Variants in NCBP3 observed in about 807,000 individuals in gnomAD.
NCBP3 encodes nuclear cap-binding protein subunit 3.
NCBP3 carries 20 observed loss-of-function variants against 75.7 expected under a neutral mutation model. The observed-to-expected ratio is 0.26, with a 90% CI of 0.19 to 0.38. NCBP3 has a LOEUF of 0.38. NCBP3 is among the 10% of genes least tolerant of loss of function. The pLI, the probability that NCBP3 is intolerant of heterozygous loss-of-function variation, is 1.00. For synonymous variants in NCBP3, 293 were observed against 290.5 expected (o/e 1.01, Z -0.09); for missense variants, 678 against 796.9 (o/e 0.85, Z 1.80).
chr17:3,835,932 C>T (rs1474706310), intron 3 of NCBP3, among the ~76,000 whole-genome samples: 1 of 152,208 alleles, frequency 6.6e-6, no homozygotes, highest in Non-Finnish European at 1.5e-5. Flanking sequence ...GTCTTTGAAC[C>T]TCAGCCTTGC....
intron 9 of NCBP3, 42 bp downstream of exon 9, chr17:3,821,207 G>C (rs1387067462): frequency 8.0e-6 from 11 of 1,370,090 alleles, no homozygotes; most frequent in African/African-American, 1.4e-5. Flanking sequence ...ATGATTTCAG[G>C]AGCCAAACAT....
rs1029504783 is a variant in NCBP3 at position 3,805,504 on chromosome 17, A to G, written c.*7540T>C. The stretch of plus-strand genomic sequence containing the variant: ...AGAGCCATGTGCAGGCACCAAGAAA[A>G]GCCTACGTGAATAAGACAGCAAGAG... On this transcript the variant is annotated 3_prime_UTR_variant, in exon 13 of 13. Coordinates refer to ENST00000389005, the MANE Select transcript of NCBP3 (RefSeq NM_001114118.3). 4 of 152,244 alleles carry G rather than the reference A, an allele frequency of 2.6e-5. No homozygotes were observed. The highest frequency in any genetic ancestry group is 7.2e-5 in the African/African-American group (3 of 41,446). The allele number at this position is 152,244 out of a possible 1,614,324, so 9.4% of individuals were successfully genotyped here.
intron 3 of NCBP3, among the ~76,000 whole-genome samples, chr17:3,838,004 TA>T (rs2054005211): frequency 6.6e-6 from 1 of 152,054 alleles, no homozygotes; most frequent in Non-Finnish European, 1.5e-5. Context: ...TTTTTTAAAT[TA>T]AAAGTTAACC....
intron 10 of NCBP3, among the ~76,000 whole-genome samples, chr17:3,816,652 A>G (rs189928273): frequency 6.6e-6 from 1 of 152,314 alleles, no homozygotes; most frequent in East Asian, 1.9e-4. Context: ...CTCTCTCTTT[A>G]AAGGGCAGAC....
rs556385228 is a variant in NCBP3 at position 3,832,371 on chromosome 17, C to G, written c.356-3003G>C. On this transcript the variant is annotated intron_variant, in intron 3 of 12. Coordinates refer to ENST00000389005, the MANE Select transcript of NCBP3 (RefSeq NM_001114118.3). Reference sequence around the variant, plus strand: ...TTTAATGGGCAGGCGCGGTGGCTCACGCCTGTAATCCCAGCACTTTGGGAG... The same window carrying G: ...TTTAATGGGCAGGCGCGGTGGCTCAGGCCTGTAATCCCAGCACTTTGGGAG... Among the ~76,000 whole-genome samples the G allele has an allele frequency of 1.6e-3, 188 of 120,006 alleles. 57 individuals carry two copies. The highest frequency in any genetic ancestry group is 2.9e-3 in the Non-Finnish European group (144 of 49,870). 78.7% of individuals were successfully genotyped at this position (120,006 alleles called of 152,430 possible).
chr17:3,843,113 G>A lies in NCBP3; in HGVS notation c.222C>T (p.Phe74=). The A allele has an allele frequency of 1.3e-6, 2 of 1,551,636 alleles. No individual in the cohort carries two copies. The highest frequency in any genetic ancestry group is 2.4e-5 in the South Asian group (2 of 84,064). ...SRRYENKAGS[F]ITGIDVTSKE... is the part of the protein sequence containing the mutation. ...TGGAGGTGACATCAATTCCAGTGAT[G>A]AAGCTGCCAGCCTTGTTTTCATATC... The change falls in exon 2 of 13, where the codon TTC becomes TTT. Residue 74 remains phenylalanine (F), a synonymous_variant. Transcript: ENST00000389005.
rs1201085165 is a variant in NCBP3, at chr17:3,826,134, C to A, written c.563G>T (p.Arg188Ile). The A allele has an allele frequency of 1.3e-6, 2 of 1,551,680 alleles. No homozygotes were observed. The highest frequency in any genetic ancestry group is 1.7e-6 in the Non-Finnish European group (2 of 1,146,976). Residue 188 changes from arginine to isoleucine, a missense_variant, in exon 5 of 13, where the codon AGA (arginine) becomes ATA (isoleucine). Transcript: ENST00000389005. Reference sequence around the variant, plus strand: ...CTTGTCCTCACTGGCATCCCTGCTTCTGATCTTATCCTGTGCAGGCAGGGA... The same window carrying A: ...CTTGTCCTCACTGGCATCCCTGCTTATGATCTTATCCTGTGCAGGCAGGGA... ...MSSLPAQDKI[R>I]SRDASEDKSA...
Position 3,826,879 on chromosome 17 carries a change from G to A in NCBP3, c.482-664C>T, listed in dbSNP as rs1793248891. Among the ~76,000 whole-genome samples, 5 of 152,064 alleles carry A rather than the reference G, an allele frequency of 3.3e-5. No individual in the cohort carries two copies. In the South Asian group the frequency reaches 1.0e-3, roughly 32 times the overall value. Reference sequence around the variant, plus strand: ...ATACAAAAAATTAGCCGGGCGTGGTGGCGGGCGCCTGTGGTCCCAGCTACT... The same window carrying A: ...ATACAAAAAATTAGCCGGGCGTGGTAGCGGGCGCCTGTGGTCCCAGCTACT... On this transcript the variant is annotated intron_variant, in intron 4 of 12. Coordinates refer to ENST00000389005, the MANE Select transcript of NCBP3 (RefSeq NM_001114118.3).
At chr17:3,843,182 G>C (rs1363777732) in intron 1 of NCBP3, 31 bp from the exon 2 acceptor site, 1 of 1,529,840 alleles carries the variant, frequency 6.5e-7, no homozygotes, top group Non-Finnish European at 8.9e-7. Context: ...GAGAAATTCA[G>C]ACAGCAATTG....
chr17:3,829,207 C>G, intron 4 of NCBP3, 36 bp downstream of exon 4: 1 of 1,548,392 alleles, frequency 6.5e-7, no homozygotes, highest in Non-Finnish European at 8.7e-7. Flanking sequence ...AAATCATCAA[C>G]AAAAGCATAT....
chr17:3,817,553 T>C (rs982753003), intron 10 of NCBP3, among the ~76,000 whole-genome samples: 1 of 151,800 alleles, frequency 6.6e-6, no homozygotes, highest in East Asian at 1.9e-4. Context: ...GGCGTGAACC[T>C]GGGAGGCGGA....
At position 3,806,545 on chromosome 17, in the gene NCBP3, G is replaced by A. The variant is rs1160160872; in HGVS notation, c.*6499C>T. The A allele has an allele frequency of 6.6e-6, 1 of 152,120 alleles. No individual in the cohort carries two copies. Among genetic ancestry groups the A allele is most frequent in the Non-Finnish European group, 1.5e-5 (1 of 68,020 alleles). 9.4% of individuals were successfully genotyped at this position (152,120 alleles called of 1,614,324 possible). A position where few individuals can be genotyped will look rare whatever the true frequency, so the allele number is the denominator to read the frequency against. On this transcript the variant is annotated 3_prime_UTR_variant, in exon 13 of 13. Transcript: ENST00000389005. ...TCAAATGAACAGTAAGAATCCTGAG[G>A]CAGGGTACTGACCTTGGTAGGTGAA...
chr17:3,831,490 G>A (rs1222079730), intron 3 of NCBP3, among the ~76,000 whole-genome samples: 1 of 146,260 alleles, frequency 6.8e-6, no homozygotes, highest in Non-Finnish European at 1.5e-5. Context: ...GGAGAATGGC[G>A]TGAACCCGGG....
At chr17:3,819,239 T>A (rs967967147) in intron 9 of NCBP3, among the ~76,000 whole-genome samples, 1 of 152,168 alleles carries the variant, frequency 6.6e-6, no homozygotes, top group South Asian at 2.1e-4. Flanking sequence ...GAATCAACAA[T>A]GTGTCTTAAA....
chr17:3,838,490 T>C (rs1436243229), intron 3 of NCBP3, among the ~76,000 whole-genome samples: 1 of 152,218 alleles, frequency 6.6e-6, no homozygotes, highest in African/African-American at 2.4e-5. Context: ...AGCAAGGGCG[T>C]GTTTCTGACT....
chr17:3,826,723 G>GGAAGGAAGGAAGGAAGGA (rs1348605267), intron 4 of NCBP3, among the ~76,000 whole-genome samples: 28 of 146,494 alleles, frequency 1.9e-4, no homozygotes, highest in Middle Eastern at 3.5e-3. Context: ...AAGGAAGGAA[G>GGAAGGAAGGAAGGAAGGA]GAGAGAGAGA....
rs982193651 is a variant in NCBP3 at position 3,807,561 on chromosome 17, A to C, written c.*5483T>G. On this transcript the variant is annotated 3_prime_UTR_variant, in exon 13 of 13. Coordinates refer to ENST00000389005, the MANE Select transcript of NCBP3 (RefSeq NM_001114118.3). The stretch of plus-strand genomic sequence containing the variant: ...ATTTACCAAACACTTTCGAAGCACT[A>C]CTTACTCTGGGCTGGCCTGATGAAA... The C allele has an allele frequency of 6.6e-6, 1 of 152,204 alleles. No homozygotes were observed. Among genetic ancestry groups the C allele is most frequent in the Non-Finnish European group, 1.5e-5 (1 of 68,050 alleles). The allele number at this position is 152,204 out of a possible 1,614,324, so 9.4% of individuals were successfully genotyped here.
At chr17:3,824,102 G>A (rs541777066) in intron 7 of NCBP3, 1 of 152,218 alleles carries the variant, frequency 6.6e-6, no homozygotes, top group East Asian at 1.9e-4. Flanking sequence ...GCTGGGCGGG[G>A]AATATATAAA....
At chr17:3,838,203 C>T (rs939685496) in intron 3 of NCBP3, among the ~76,000 whole-genome samples, 1 of 152,174 alleles carries the variant, frequency 6.6e-6, no homozygotes, top group African/African-American at 2.4e-5. Flanking sequence ...AGAGATGCTC[C>T]ACGGGGGAAG....
Sources: gnomAD v4.1 joint callset for allele counts (sites outside exome capture counted in the v4.1 genomes callset) on GRCh38, gnomAD v4.1.1 for gene constraint, MANE v1.5 for transcripts, NCBI Gene and HGNC (gene_info 2026-07-23, HGNC 2026-07-21) for gene names.